The following NLRP5 variants were observed in gnomAD, a reference collection of about 807,000 sequenced individuals.
NLRP5 encodes the protein NACHT, LRR and PYD domains-containing protein 5.
NLRP5 carries 93 observed loss-of-function variants against 113.1 expected under a neutral mutation model. The observed-to-expected ratio is 0.82, with a 90% CI of 0.70 to 0.98. NLRP5 has a LOEUF of 0.98. Among genes scored for constraint, NLRP5 ranks in the 50% least tolerant of loss-of-function variants. The pLI, the probability that NLRP5 is intolerant of heterozygous loss-of-function variation, is 0.00. For missense variants in NLRP5, 1,808 were observed against 1,514.3 expected, an observed-to-expected ratio of 1.19 and a Z score of -3.22; for synonymous variants, 751 against 600.7, an observed-to-expected ratio of 1.25 and a Z score of -3.66.
intron 3 of NLRP5, among the ~76,000 whole-genome samples, chr19:56,011,560 A>G (rs1228773145): frequency 6.6e-6 from 1 of 152,184 alleles, no homozygotes; most frequent in African/African-American, 2.4e-5. Context: ...TCAGCATCGT[A>G]CGTATGACGA....
intron 2 of NLRP5, among the ~76,000 whole-genome samples, chr19:56,008,090 G>A (rs1394330483): frequency 2.1e-5 from 3 of 141,824 alleles, no homozygotes; most frequent in Admixed American, 7.2e-5. Context: ...CACCACGCCC[G>A]GCTAATTTTT....
chr19:56,027,325 C>T lies in NLRP5; in HGVS notation c.1092C>T (p.Phe364=), dbSNP rs1414563064. ...GGCTGTTGTTCATCATTGACGGTTT[C>T]GATGACCTGGGCTCTGTCCTCAACA... Residue 364 remains phenylalanine (F), a synonymous_variant, in exon 7 of 15, where the codon TTC becomes TTT. Transcript: ENST00000390649. 1.2e-6 allele frequency: 2 copies of T among 1,612,458 alleles called. No individual in the cohort carries two copies. The highest frequency in any genetic ancestry group is 1.3e-5 in the African/African-American group (1 of 74,908).
At chr19:56,052,786 G>A (rs1000173132) in intron 12 of NLRP5, among the ~76,000 whole-genome samples, 4 of 152,246 alleles carry the variant, frequency 2.6e-5, no homozygotes, top group Admixed American at 2.0e-4. Flanking sequence ...TTCCCCTTTT[G>A]GATTCCAGAC....
In NLRP5 at chr19:56,031,624, C is replaced by G. The variant is rs909887334; in HGVS notation, c.2277-987C>G. Among the ~76,000 whole-genome samples, 11 of 97,860 alleles carry G rather than the reference C, an allele frequency of 1.1e-4. No homozygotes were observed. The East Asian group carries it at 3.0e-3, about 27-fold the overall frequency. The allele number at this position is 97,860 out of a possible 152,430, so 64.2% of individuals were successfully genotyped here. A position where few individuals can be genotyped will look rare whatever the true frequency, so the allele number is the denominator to read the frequency against. On this transcript the variant is annotated intron_variant, in intron 7 of 14. Transcript: ENST00000390649. Reference sequence around the variant, plus strand: ...CCAGCCTGGGAGATAGAGACTCCGTCTCCAAAAAAAAAAAAAAAAAAATGT... The same window carrying G: ...CCAGCCTGGGAGATAGAGACTCCGTGTCCAAAAAAAAAAAAAAAAAAATGT...
chr19:56,050,839 T>C (rs61107968), intron 12 of NLRP5, among the ~76,000 whole-genome samples: 6,680 of 152,298 alleles, frequency 0.044, 223 homozygotes, highest in African/African-American at 0.093. Context: ...TGTGCATTCC[T>C]CAGAGGAAGG....
intron 6 of NLRP5, among the ~76,000 whole-genome samples, chr19:56,024,582 CAT>C (rs200857911): frequency 7.6e-6 from 1 of 131,174 alleles, no homozygotes; most frequent in Non-Finnish European, 1.7e-5. Context: ...CATATATATA[CAT>C]ACACACACAC....
intron 11 of NLRP5, among the ~76,000 whole-genome samples, chr19:56,048,639 G>A (rs1036864064): frequency 5.9e-5 from 9 of 152,218 alleles, no homozygotes; most frequent in South Asian, 2.1e-4. Flanking sequence ...CTGTCTCACA[G>A]TTCTTAAGAT....
At chr19:56,020,923 T>G (rs141378632) in intron 6 of NLRP5, among the ~76,000 whole-genome samples, 4,039 of 151,062 alleles carry the variant, frequency 0.027, 34 homozygotes, top group African/African-American at 0.093. Flanking sequence ...GCCCAAGCTG[T>G]AGTGCAGTGG....
At chr19:56,026,787 G>A (rs963717839) in intron 6 of NLRP5, 126 bp from the exon 7 acceptor site, 2 of 930,688 alleles carry the variant, frequency 2.1e-6, no homozygotes, top group African/African-American at 3.3e-5. Context: ...CATTGACCAG[G>A]CTGGTCTCAA....
chr19:56,030,463 C>G (rs951369492), intron 7 of NLRP5, among the ~76,000 whole-genome samples: 2 of 152,018 alleles, frequency 1.3e-5, no homozygotes, highest in Admixed American at 6.6e-5. Flanking sequence ...GGTTGGAAAA[C>G]AAGTACAAAT....
chr19:56,054,920 C>T (rs926226070), intron 13 of NLRP5, among the ~76,000 whole-genome samples: 1 of 151,536 alleles, frequency 6.6e-6, no homozygotes, highest in Admixed American at 6.6e-5. Flanking sequence ...CTGCTTATAA[C>T]CCTCCATGGC....
In NLRP5 at chr19:56,058,240, G is replaced by A. The variant is rs893613522; in HGVS notation, c.3300G>A (p.Gly1100=). ...TTTTCTGGGTGTCCTGACCCTGCAGGTTGAAGGCATGTGGACTGACTTCTG... is the reference window on the plus strand; with the variant it reads ...TTTTCTGGGTGTCCTGACCCTGCAGATTGAAGGCATGTGGACTGACTTCTG... Residue 1100 remains glycine, a splice_region_variant and synonymous_variant, in exon 14 of 15, where the codon GGG becomes GGA. Coordinates refer to ENST00000390649, the MANE Select transcript of NLRP5 (RefSeq NM_153447.4). The A allele has an allele frequency of 3.7e-6, 6 of 1,612,434 alleles. No homozygotes were observed. The Admixed American group carries it at 6.7e-5, about 18-fold the overall frequency.
At chr19:56,037,813 G>C (rs748799568) in intron 9 of NLRP5, among the ~76,000 whole-genome samples, 2 of 151,962 alleles carry the variant, frequency 1.3e-5, no homozygotes, top group Non-Finnish European at 2.9e-5. Flanking sequence ...ACCTTCAAGA[G>C]ACATGAAAGG....
intron 2 of NLRP5, among the ~76,000 whole-genome samples, chr19:56,006,014 C>T (rs12463158): frequency 0.26 from 39,698 of 151,970 alleles, 5,524 homozygotes; most frequent in Non-Finnish European, 0.32. Context: ...TTTAAATTCT[C>T]ATATGTCTGG....
intron 9 of NLRP5, among the ~76,000 whole-genome samples, chr19:56,036,058 CTTTTTTTTTTTTT>C (rs34956178): frequency 1.8e-4 from 14 of 77,002 alleles, no homozygotes; most frequent in Admixed American, 1.7e-3. Flanking sequence ...AATTGAGATT[CTTTTTTTTTTTTT>C]TTTTTTTTTG....
chr19:55,996,434 G>A (rs1981327594), upstream of NLRP5, among the ~76,000 whole-genome samples: 1 of 152,076 alleles, frequency 6.6e-6, no homozygotes, highest in South Asian at 2.1e-4. Flanking sequence ...CATGTGCCCT[G>A]TTGGTGTGCT....
Position 56,005,408 on chromosome 19 carries a change from CAT to C in NLRP5, c.442+1318_442+1319del, listed in dbSNP as rs199501649. On this transcript the variant is annotated intron_variant, in intron 2 of 14. Transcript: ENST00000390649. ...ATATACATATACACACACATATACA[CAT>C]ATATTTTTATATATACACATATTTA... is the stretch of plus-strand genomic sequence containing the variant. 8.8e-3 allele frequency among the ~76,000 whole-genome samples: 1,313 copies of C among 148,520 alleles called. 9 individuals are homozygous for C. Among genetic ancestry groups the C allele is most frequent in the African/African-American group, 0.028 (1,120 of 40,582 alleles).
chr19:56,041,119 G>A, intron 11 of NLRP5, 27 bp downstream of exon 11: 1 of 1,609,964 alleles, frequency 6.2e-7, no homozygotes, highest in Non-Finnish European at 8.5e-7. Flanking sequence ...CCCCTGCAAG[G>A]ACTTCCTAGC....
At chr19:56,001,407 C>G (rs1981645838) in intron 1 of NLRP5, among the ~76,000 whole-genome samples, 1 of 151,712 alleles carries the variant, frequency 6.6e-6, no homozygotes, top group South Asian at 2.1e-4. Flanking sequence ...TGTCTCCCAC[C>G]TCTACCCTCC....
Sources: gnomAD v4.1 joint callset for allele counts (sites outside exome capture counted in the v4.1 genomes callset) on GRCh38, gnomAD v4.1.1 for gene constraint, MANE v1.5 for transcripts, NCBI Gene and HGNC (gene_info 2026-07-23, HGNC 2026-07-21) for gene names.